CAP2: variants seen among roughly 807,000 people sequenced by gnomAD.
CAP2 encodes the protein cyclase associated actin cytoskeleton regulatory protein 2.
CAP2 carries 24 observed loss-of-function variants against 57.7 expected under a neutral mutation model. That is an observed-to-expected ratio of 0.42 (90% CI 0.30 to 0.58). The LOEUF (loss-of-function observed/expected upper bound fraction) is 0.58. Ranked by LOEUF, CAP2 falls within the 20% of genes least tolerant of loss-of-function variation. CAP2 has a pLI of 0.22. For missense variants in CAP2, 501 were observed against 590.3 expected (o/e 0.85, Z 1.57); for synonymous variants, 194 against 207.2 (o/e 0.94, Z 0.55).
intron 1 of CAP2, among the ~76,000 whole-genome samples, chr6:17,415,582 T>A (rs1759252452): frequency 6.6e-6 from 1 of 152,178 alleles, no homozygotes; most frequent in Admixed American, 6.5e-5. Flanking sequence ...AATTAGTCAA[T>A]CAAAAAGTAT....
At chr6:17,432,461 T>C (rs892035681) in intron 3 of CAP2, among the ~76,000 whole-genome samples, 1 of 152,228 alleles carries the variant, frequency 6.6e-6, no homozygotes, top group Non-Finnish European at 1.5e-5. Context: ...ACTGTTTTAA[T>C]TTGAACATTA....
At chr6:17,434,752 C>A (rs1037974851) in intron 3 of CAP2, among the ~76,000 whole-genome samples, 3 of 152,130 alleles carry the variant, frequency 2.0e-5, no homozygotes, top group Non-Finnish European at 4.4e-5. Context: ...ACGGTCACTT[C>A]ATTATGTACA....
At chr6:17,465,352 G>T (rs914388349) in intron 4 of CAP2, among the ~76,000 whole-genome samples, 9 of 152,248 alleles carry the variant, frequency 5.9e-5, no homozygotes, top group South Asian at 2.1e-4. Flanking sequence ...GCTGTGCCTG[G>T]CTCTATTGAA....
chr6:17,488,885 G>A (rs942555557), intron 4 of CAP2, among the ~76,000 whole-genome samples: 6 of 152,076 alleles, frequency 3.9e-5, no homozygotes, highest in Middle Eastern at 3.2e-3. Flanking sequence ...TCTGTTCCAC[G>A]AGGTGGATAT....
chr6:17,522,502 G>A (rs1475038239), intron 7 of CAP2, among the ~76,000 whole-genome samples: 1 of 152,212 alleles, frequency 6.6e-6, no homozygotes, highest in Non-Finnish European at 1.5e-5. Flanking sequence ...CTTCCTGGGT[G>A]GGCACGAAGA....
intron 3 of CAP2, among the ~76,000 whole-genome samples, chr6:17,429,407 C>A (rs1332176916): frequency 6.6e-6 from 1 of 152,034 alleles, no homozygotes; most frequent in Non-Finnish European, 1.5e-5. Context: ...TAGATAGAAG[C>A]TTTTTACAAG....
intron 7 of CAP2, among the ~76,000 whole-genome samples, chr6:17,520,374 T>G (rs1762363440): frequency 6.6e-6 from 1 of 152,148 alleles, no homozygotes; most frequent in Non-Finnish European, 1.5e-5. Context: ...CCTCCCTAAG[T>G]GCTAGGATGA....
intron 3 of CAP2, among the ~76,000 whole-genome samples, chr6:17,457,316 A>G (rs771996390): frequency 6.6e-6 from 1 of 152,126 alleles, no homozygotes; most frequent in African/African-American, 2.4e-5. Context: ...GAAAACCCCT[A>G]CGTTTGGCTT....
chr6:17,397,637 G>A (rs936002942), intron 1 of CAP2, among the ~76,000 whole-genome samples: 1 of 147,280 alleles, frequency 6.8e-6, no homozygotes, highest in African/African-American at 2.5e-5. Context: ...GGGGCTTGCA[G>A]TGAGCCGAGA....
chr6:17,431,687 A>G (rs1759741706), intron 3 of CAP2, among the ~76,000 whole-genome samples: 1 of 152,134 alleles, frequency 6.6e-6, no homozygotes, highest in South Asian at 2.1e-4. Context: ...GATTGTATTA[A>G]TATTTGGATT....
chr6:17,457,083 A>T (rs1581534882), intron 3 of CAP2, among the ~76,000 whole-genome samples: 1 of 152,182 alleles, frequency 6.6e-6, no homozygotes, highest in South Asian at 2.1e-4. Flanking sequence ...TAGATGTTCC[A>T]CCAGCCTATC....
At chr6:17,541,242 T>C (rs1762893309) in intron 9 of CAP2, 94 bp downstream of exon 9, 12 of 948,344 alleles carry the variant, frequency 1.3e-5, no homozygotes, top group Non-Finnish European at 1.7e-5. Context: ...GATTTCTTTT[T>C]TTTAATTTTT....
At chr6:17,468,786 C>T (rs891657145) in intron 4 of CAP2, among the ~76,000 whole-genome samples, 4 of 152,200 alleles carry the variant, frequency 2.6e-5, no homozygotes, top group African/African-American at 9.6e-5. Flanking sequence ...ACTTTTACAG[C>T]AGGTGAGCAT....
chr6:17,556,477 C>G lies in CAP2; in HGVS notation c.*35C>G, dbSNP rs10456206. On this transcript the variant is annotated 3_prime_UTR_variant, in exon 13 of 13. Transcript: ENST00000229922. ...AGACCGAACCCCCTCACCTGAATCC[C>G]CCTCTATCAAACAAACAAAAAAGCA... 2 of 1,424,990 alleles carry G rather than the reference C, an allele frequency of 1.4e-6. No individual in the cohort carries two copies. The highest frequency in any genetic ancestry group is 2.3e-5 in the South Asian group (2 of 87,356). The allele number at this position is 1,424,990 out of a possible 1,614,324, so 88.3% of individuals were successfully genotyped here.
chr6:17,445,043 A>C lies in CAP2; in HGVS notation c.223-17953A>C, dbSNP rs1429048618. 4.6e-5 allele frequency among the ~76,000 whole-genome samples: 7 copies of C among 152,314 alleles called. No individual in the cohort carries two copies. The East Asian group carries it at 1.4e-3, about 29-fold the overall frequency. On this transcript the variant is annotated intron_variant, in intron 3 of 12. Transcript: ENST00000229922. Reference sequence around the variant, plus strand: ...ATATTGACTTATAATCACTGACAATAGAAACACCTTTAGCTCCACCTGAGA... The same window carrying C: ...ATATTGACTTATAATCACTGACAATCGAAACACCTTTAGCTCCACCTGAGA...
At chr6:17,495,587 G>C (rs1270727611) in intron 4 of CAP2, among the ~76,000 whole-genome samples, 1 of 152,124 alleles carries the variant, frequency 6.6e-6, no homozygotes, top group Non-Finnish European at 1.5e-5. Flanking sequence ...CACTGATAAG[G>C]CTTGGAGTCC....
At chr6:17,429,267 A>C (rs1267182576) in intron 3 of CAP2, among the ~76,000 whole-genome samples, 1 of 152,220 alleles carries the variant, frequency 6.6e-6, no homozygotes, top group Non-Finnish European at 1.5e-5. Flanking sequence ...TGAGTGATTG[A>C]TGAACATTTT....
chr6:17,433,138 G>T (rs990889967), intron 3 of CAP2, among the ~76,000 whole-genome samples: 2 of 152,080 alleles, frequency 1.3e-5, no homozygotes, highest in Admixed American at 1.3e-4. Context: ...TGTCACCTTG[G>T]CAGGCACCTA....
intron 7 of CAP2, among the ~76,000 whole-genome samples, chr6:17,530,033 A>G (rs528136436): frequency 3.3e-4 from 50 of 151,934 alleles, no homozygotes; most frequent in Admixed American, 5.9e-4. Context: ...TAGTTGTAGC[A>G]TGAAGATGTA....
Sources: allele counts gnomAD v4.1 joint callset (sites outside exome capture counted in the v4.1 genomes callset), GRCh38; gene constraint gnomAD v4.1.1; transcripts MANE v1.5; gene names NCBI Gene and HGNC (gene_info 2026-07-23, HGNC 2026-07-21).